GLMN: variants seen among roughly 807,000 people sequenced by gnomAD.
GLMN encodes glomulin, FKBP associated protein, also known as glomulin.
GLMN carries 75 observed loss-of-function variants against 87.8 expected under a neutral mutation model. The observed-to-expected ratio is 0.85, with a 90% CI of 0.71 to 1.04. The LOEUF (loss-of-function observed/expected upper bound fraction) is 1.04. GLMN is among the 50% of genes least tolerant of loss of function. The pLI, the probability that GLMN is intolerant of heterozygous loss-of-function variation, is 0.00. For missense variants in GLMN, 588 were observed against 658.8 expected (o/e 0.89, Z 1.18); for synonymous variants, 206 against 221.6 (o/e 0.93, Z 0.63).
At chr1:92,255,497 C>T (rs536315486) in intron 16 of GLMN, among the ~76,000 whole-genome samples, 1 of 152,232 alleles carries the variant, frequency 6.6e-6, no homozygotes, top group East Asian at 1.9e-4. Flanking sequence ...AAATTGACCA[C>T]ATAATTGGAA....
intron 8 of GLMN, 137 bp downstream of exon 8, chr1:92,271,328 A>G: frequency 1.4e-6 from 1 of 720,210 alleles, no homozygotes; most frequent in Non-Finnish European, 2.4e-6. Flanking sequence ...AGCTGGGATC[A>G]TTCTTATTAA....
chr1:92,332,193 T>G, the GLMN span, among the ~76,000 whole-genome samples: 3 of 152,156 alleles, frequency 2.0e-5, no homozygotes, highest in South Asian at 2.1e-4. Flanking sequence ...TGACTGTGCT[T>G]CATTCTGGAT....
At chr1:92,248,130 T>C in intron 16 of GLMN, 141 bp from the exon 17 acceptor site, 1 of 614,602 alleles carries the variant, frequency 1.6e-6, no homozygotes, top group Non-Finnish European at 2.9e-6. Flanking sequence ...TAATAATTAT[T>C]ACTATAGCTA....
chr1:92,323,194 A>G, the GLMN span, among the ~76,000 whole-genome samples: 3 of 150,304 alleles, frequency 2.0e-5, no homozygotes, highest in Non-Finnish European at 4.4e-5. Flanking sequence ...TAATTGGGGG[A>G]AAAAGATGAA....
the GLMN span, among the ~76,000 whole-genome samples, chr1:92,343,893 A>C: frequency 6.6e-6 from 1 of 152,164 alleles, no homozygotes; most frequent in Non-Finnish European, 1.5e-5. Context: ...GACATAAGGA[A>C]ACTTACCTGG....
intron 16 of GLMN, among the ~76,000 whole-genome samples, chr1:92,259,990 C>T (rs1000035534): frequency 6.6e-6 from 1 of 152,012 alleles, no homozygotes; most frequent in Non-Finnish European, 1.5e-5. Context: ...CCGCCTTGGC[C>T]TTCCAAAGAG....
chr1:92,323,853 G>A, the GLMN span: 808 of 1,613,938 alleles, frequency 5.0e-4, 1 homozygote, highest in Non-Finnish European at 5.8e-4. Flanking sequence ...GATTAAAAGC[G>A]TCAGAAAATT....
chr1:92,261,309 AAAAT>A (rs1181775080), intron 16 of GLMN, among the ~76,000 whole-genome samples: 1 of 152,208 alleles, frequency 6.6e-6, no homozygotes, highest in East Asian at 1.9e-4. Context: ...TGAAAAGTGA[AAAAT>A]AAAGAGTACT....
chr1:92,346,285 T>A, the GLMN span, among the ~76,000 whole-genome samples: 16 of 151,984 alleles, frequency 1.1e-4, no homozygotes, highest in Admixed American at 1.0e-3. Context: ...CACCTCAGCC[T>A]CTCTAGTGGC....
intron 7 of GLMN, among the ~76,000 whole-genome samples, chr1:92,280,200 C>T (rs1647848727): frequency 6.6e-6 from 1 of 152,196 alleles, no homozygotes; most frequent in African/African-American, 2.4e-5. Flanking sequence ...TGGGAAACAC[C>T]TGCCAGTAGG....
the GLMN span, among the ~76,000 whole-genome samples, chr1:92,342,615 A>G: frequency 1.3e-5 from 2 of 152,202 alleles, no homozygotes; most frequent in South Asian, 2.1e-4. Context: ...AGAGAGACCA[A>G]TACAGCTAGA....
chr1:92,370,454 T>TG, the GLMN span, among the ~76,000 whole-genome samples: 1 of 152,126 alleles, frequency 6.6e-6, no homozygotes, highest in African/African-American at 2.4e-5. Context: ...AGAGCTTTCG[T>TG]ACCCCCCCAC....
chr1:92,327,400 T>G, the GLMN span, among the ~76,000 whole-genome samples: 2 of 152,250 alleles, frequency 1.3e-5, no homozygotes, highest in African/African-American at 4.8e-5. Context: ...AGTCCTTTTA[T>G]CATTGTATAA....
chr1:92,344,195 A>G, the GLMN span, among the ~76,000 whole-genome samples: 1 of 152,160 alleles, frequency 6.6e-6, no homozygotes, highest in African/African-American at 2.4e-5. Context: ...GGATCACTTG[A>G]GGCCAGGAGT....
the GLMN span, among the ~76,000 whole-genome samples, chr1:92,336,146 C>T: frequency 6.6e-6 from 1 of 152,114 alleles, no homozygotes; most frequent in African/African-American, 2.4e-5. Flanking sequence ...CACTCAGTAA[C>T]AGACTACAAA....
Position 92,297,962 on chromosome 1 carries a change from C to T in GLMN, c.38G>A (p.Cys13Tyr), listed in dbSNP as rs748265818. Residue 13 changes from cysteine to tyrosine, a missense_variant and splice_region_variant, in exon 2 of 19, where the codon TGT becomes TAT. Transcript: ENST00000370360. ...VEELQSIIKR[C>Y]QILEEQDFKE... ...AATTTTACAAAAATTAATACTTACACATCTCTTTATTATAGACTGAAGTTC... is the reference window on the plus strand; with the variant it reads ...AATTTTACAAAAATTAATACTTACATATCTCTTTATTATAGACTGAAGTTC... The T allele has an allele frequency of 1.4e-6, 2 of 1,394,070 alleles. No individual in the cohort carries two copies. Among genetic ancestry groups the T allele is most frequent in the African/African-American group, 2.8e-5 (2 of 70,956 alleles). 86.4% of individuals were successfully genotyped at this position (1,394,070 alleles called of 1,614,324 possible). A position where few individuals can be genotyped will look rare whatever the true frequency, so the allele number is the denominator to read the frequency against.
chr1:92,246,487 A>G lies in GLMN; in HGVS notation c.*43T>C. 1 of 863,914 alleles carries G rather than the reference A, an allele frequency of 1.2e-6. No individual in the cohort carries two copies. The allele number at this position is 863,914 out of a possible 1,614,324, so 53.5% of individuals were successfully genotyped here. ...AAAGGTATTAAATGAATCATAATGG[A>G]AAGTACTATATTTTATTAGTTTTTA... On this transcript the variant is annotated 3_prime_UTR_variant, in exon 19 of 19. Coordinates refer to ENST00000370360, the MANE Select transcript of GLMN (RefSeq NM_053274.3).
chr1:92,336,402 C>G, the GLMN span: 2 of 1,608,824 alleles, frequency 1.2e-6, no homozygotes, highest in African/African-American at 1.3e-5. Context: ...TTACACACAA[C>G]TTAAAAATCT....
the GLMN span, chr1:92,333,605 C>T: frequency 1.5e-6 from 1 of 671,370 alleles, no homozygotes; most frequent in Non-Finnish European, 2.5e-6. Context: ...ACATGGATTT[C>T]TTCACTTAAG....
Sources: gnomAD v4.1 joint callset for allele counts (sites outside exome capture counted in the v4.1 genomes callset) on GRCh38, gnomAD v4.1.1 for gene constraint, MANE v1.5 for transcripts, NCBI Gene and HGNC (gene_info 2026-07-23, HGNC 2026-07-21) for gene names.